The following NRXN3 variants were observed in gnomAD, a reference collection of about 807,000 sequenced individuals.
NRXN3 encodes the protein neurexin 3, also known as neurexin III.
NRXN3 carries 32 observed loss-of-function variants against 137.6 expected under a neutral mutation model. The ratio of observed to expected loss-of-function variants is 0.23; its 90% CI spans 0.18 to 0.31. The LOEUF is 0.31. NRXN3 is among the 10% of genes least tolerant of loss of function. NRXN3 has a pLI of 1.00. For synonymous variants in NRXN3, 798 were observed against 784.5 expected, an observed-to-expected ratio of 1.02 and a Z score of -0.29; for missense variants, 1,574 against 2,062.5, an observed-to-expected ratio of 0.76 and a Z score of 4.59.
In NRXN3 at chr14:79,692,234, G is replaced by T. The variant is rs369234301; in HGVS notation, c.3678G>T (p.Arg1226=). 2 of 1,609,578 alleles carry T rather than the reference G, an allele frequency of 1.2e-6. No individual in the cohort carries two copies. Among genetic ancestry groups the T allele is most frequent in the African/African-American group, 1.3e-5 (1 of 74,612 alleles). Residue 1226 remains arginine (R), a synonymous_variant, in exon 18 of 21, where the codon CGG becomes CGT. Transcript: ENST00000335750. ...AGAAAATCCCCTTCAAATATAATCG[G>T]CCTGTAGAGGAGTGGCTGCAGGAAA... ...VKQKIPFKYN[R]PVEEWLQEKG...
intron 15 of NRXN3, among the ~76,000 whole-genome samples, chr14:79,054,420 C>T (rs1787339276): frequency 1.3e-5 from 2 of 152,110 alleles, no homozygotes; most frequent in Non-Finnish European, 1.5e-5. Flanking sequence ...TCTAGAGCTT[C>T]CTTGATGACC....
At chr14:79,323,420 C>A (rs2090363253) in intron 15 of NRXN3, among the ~76,000 whole-genome samples, 1 of 152,072 alleles carries the variant, frequency 6.6e-6, no homozygotes, top group Non-Finnish European at 1.5e-5. Context: ...GCTTAGAAGC[C>A]AAAAGGCCCA....
At chr14:79,813,231 A>T (rs2099240916) in intron 20 of NRXN3, among the ~76,000 whole-genome samples, 1 of 152,122 alleles carries the variant, frequency 6.6e-6, no homozygotes, top group Admixed American at 6.6e-5. Context: ...TTTCTTTAAG[A>T]TTTCTTTATC....
chr14:78,605,829 A>T (rs2097246900), intron 4 of NRXN3, among the ~76,000 whole-genome samples: 1 of 152,204 alleles, frequency 6.6e-6, no homozygotes, highest in Non-Finnish European at 1.5e-5. Flanking sequence ...GCTACATGTA[A>T]ATATTGGAAC....
At chr14:78,278,704 T>A in intron 3 of NRXN3, 42 bp downstream of exon 3, 1 of 1,512,674 alleles carries the variant, frequency 6.6e-7, no homozygotes, top group Non-Finnish European at 8.9e-7. Flanking sequence ...GAATTTCCCC[T>A]CTGCTAGATT....
At chr14:79,218,713 G>A (rs1395641295) in intron 15 of NRXN3, among the ~76,000 whole-genome samples, 1 of 152,256 alleles carries the variant, frequency 6.6e-6, no homozygotes, top group African/African-American at 2.4e-5. Context: ...AATAAGATTG[G>A]TTTATTTGAG....
intron 15 of NRXN3, among the ~76,000 whole-genome samples, chr14:79,065,749 T>C (rs1203300675): frequency 6.6e-6 from 1 of 152,140 alleles, no homozygotes; most frequent in Non-Finnish European, 1.5e-5. Context: ...CCTTGATGTT[T>C]TCGTGACATT....
At chr14:78,374,756 G>A (rs1398163742) in intron 4 of NRXN3, among the ~76,000 whole-genome samples, 2 of 122,804 alleles carry the variant, frequency 1.6e-5, no homozygotes, top group African/African-American at 3.2e-5. Context: ...GGGACAGAGT[G>A]AGACTCCATC....
intron 15 of NRXN3, among the ~76,000 whole-genome samples, chr14:79,112,992 A>C (rs916128577): frequency 6.6e-6 from 1 of 152,206 alleles, no homozygotes. Context: ...GGAGTGATAC[A>C]TGAGTTGTTC....
chr14:79,794,927 C>G (rs2099156639), intron 19 of NRXN3, among the ~76,000 whole-genome samples: 1 of 152,182 alleles, frequency 6.6e-6, no homozygotes, highest in African/African-American at 2.4e-5. Flanking sequence ...CGCACTGTTC[C>G]ACTGAACTTC....
chr14:78,406,526 T>C (rs2092495835), intron 4 of NRXN3, among the ~76,000 whole-genome samples: 1 of 152,140 alleles, frequency 6.6e-6, no homozygotes, highest in Non-Finnish European at 1.5e-5. Context: ...AAGGAAAATC[T>C]GGGTAGAAGA....
At chr14:78,562,755 T>C (rs2096799285) in intron 4 of NRXN3, among the ~76,000 whole-genome samples, 1 of 152,218 alleles carries the variant, frequency 6.6e-6, no homozygotes, top group Non-Finnish European at 1.5e-5. Flanking sequence ...AACATTGTTT[T>C]AAGCCACTAT....
intron 10 of NRXN3, among the ~76,000 whole-genome samples, chr14:78,934,271 T>C (rs1039897400): frequency 6.6e-6 from 1 of 152,110 alleles, no homozygotes; most frequent in African/African-American, 2.4e-5. Flanking sequence ...TTAAGTCTTA[T>C]TCTTTAAAGG....
chr14:79,017,992 G>A (rs1366972796), intron 15 of NRXN3, among the ~76,000 whole-genome samples: 1 of 152,020 alleles, frequency 6.6e-6, no homozygotes, highest in Admixed American at 6.5e-5. Context: ...AGGCATGGTG[G>A]CTCATGACTG....
intron 4 of NRXN3, among the ~76,000 whole-genome samples, chr14:78,358,038 G>C (rs766479080): frequency 1.1e-4 from 17 of 152,174 alleles, no homozygotes; most frequent in Non-Finnish European, 2.2e-4. Context: ...GAGTTGAGGG[G>C]GTTGAGAATA....
rs112812406 is a variant in NRXN3, at chr14:79,617,673, G to A, written c.3445-46105G>A. On this transcript the variant is annotated intron_variant, in intron 16 of 20. Coordinates refer to ENST00000335750, the MANE Select transcript of NRXN3 (RefSeq NM_001330195.2). ...ACTCACTGATGAGTCTTTCCCTAACGAGAATGTGACTAAAACCAGTTGAGT... is the reference window on the plus strand; with the variant it reads ...ACTCACTGATGAGTCTTTCCCTAACAAGAATGTGACTAAAACCAGTTGAGT... 2.0e-3 allele frequency among the ~76,000 whole-genome samples: 297 copies of A among 152,070 alleles called. 3 individuals carry two copies. Among genetic ancestry groups the A allele is most frequent in the African/African-American group, 6.9e-3 (286 of 41,444 alleles).
At chr14:78,786,750 T>A (rs942039988) in intron 8 of NRXN3, among the ~76,000 whole-genome samples, 11 of 152,198 alleles carry the variant, frequency 7.2e-5, no homozygotes, top group African/African-American at 2.7e-4. Flanking sequence ...CTTATGTATA[T>A]GTACACATAT....
chr14:79,540,221 T>C (rs540576751), intron 16 of NRXN3, among the ~76,000 whole-genome samples: 1 of 152,224 alleles, frequency 6.6e-6, no homozygotes, highest in Admixed American at 6.5e-5. Flanking sequence ...AACTTGTTTA[T>C]TCATTCATTT....
chr14:79,257,535 ATGG>A (rs1568819929), intron 15 of NRXN3, among the ~76,000 whole-genome samples: 1 of 36,444 alleles, frequency 2.7e-5, no homozygotes, highest in East Asian at 7.5e-4. Flanking sequence ...GGTGGTGGTG[ATGG>A]TGGTGGTGGT....
Sources: gnomAD v4.1 joint callset for allele counts (sites outside exome capture counted in the v4.1 genomes callset) on GRCh38, gnomAD v4.1.1 for gene constraint, MANE v1.5 for transcripts, NCBI Gene and HGNC (gene_info 2026-07-23, HGNC 2026-07-21) for gene names.